Variants in NCKAP5 observed in about 807,000 individuals in gnomAD.
NCKAP5 encodes NCK associated protein 5.
NCKAP5 carries 92 observed loss-of-function variants against 167.0 expected under a neutral mutation model. The observed-to-expected ratio is 0.55, with a 90% CI of 0.47 to 0.66. The LOEUF (loss-of-function observed/expected upper bound fraction) is 0.66, where lower values mean the gene tolerates loss of function less well. Among genes scored for constraint, NCKAP5 ranks in the 30% least tolerant of loss-of-function variants. The probability of loss-of-function intolerance (pLI) is 0.00; values close to 1 mark genes in which losing one functional copy is unlikely to be tolerated. For synonymous variants in NCKAP5, 891 were observed against 877.4 expected, an observed-to-expected ratio of 1.02 and a Z score of -0.27; for missense variants, 2,378 against 2,315.0, an observed-to-expected ratio of 1.03 and a Z score of -0.56.
chr2:133,447,698 C>T (rs1412470563), intron 3 of NCKAP5, among the ~76,000 whole-genome samples: 1 of 151,696 alleles, frequency 6.6e-6, no homozygotes, highest in East Asian at 1.9e-4. Flanking sequence ...TTATGTTGCC[C>T]AGGTCTCAAA....
rs570546071 is a variant in NCKAP5 at position 133,507,156 on chromosome 2, G to A, written c.69+10302C>T. On this transcript the variant is annotated intron_variant, in intron 3 of 19. Coordinates refer to ENST00000409261, the MANE Select transcript of NCKAP5 (RefSeq NM_207363.3). The stretch of plus-strand genomic sequence containing the variant: ...TGCCTTCACAGATTTCACTCTCAGC[G>A]TTCACCAACCCAAGCTGGATCACTG... Among the ~76,000 whole-genome samples the A allele has an allele frequency of 6.6e-5, 10 of 152,212 alleles. No individual in the cohort carries two copies. In the South Asian group the frequency reaches 1.2e-3, roughly 19 times the overall value.
intron 3 of NCKAP5, among the ~76,000 whole-genome samples, chr2:133,431,206 A>G (rs2151126423): frequency 6.6e-6 from 1 of 152,268 alleles, no homozygotes; most frequent in Non-Finnish European, 1.5e-5. Context: ...AAAATACTTC[A>G]GAATATTGAA....
At chr2:132,738,680 G>A (rs1422858296) in intron 16 of NCKAP5, among the ~76,000 whole-genome samples, 2 of 152,118 alleles carry the variant, frequency 1.3e-5, no homozygotes, top group Non-Finnish European at 2.9e-5. Flanking sequence ...AACTTATAAA[G>A]AAAAGAGATA....
intron 5 of NCKAP5, among the ~76,000 whole-genome samples, chr2:133,169,358 C>T (rs10928441): frequency 0.14 from 21,320 of 152,186 alleles, 1,663 homozygotes; most frequent in East Asian, 0.38. Context: ...CTTTCCCAAT[C>T]AGGTCCAATT....
At chr2:133,406,312 G>A (rs1688424184) in intron 3 of NCKAP5, among the ~76,000 whole-genome samples, 1 of 152,022 alleles carries the variant, frequency 6.6e-6, no homozygotes, top group South Asian at 2.1e-4. Flanking sequence ...TTTGGGGAGT[G>A]CTTTTGGAGA....
chr2:133,509,064 G>A (rs974709212), intron 3 of NCKAP5, among the ~76,000 whole-genome samples: 3 of 152,140 alleles, frequency 2.0e-5, no homozygotes, highest in African/African-American at 7.2e-5. Flanking sequence ...GGTGTCACCC[G>A]AGCTCCTGCT....
chr2:133,269,227 G>A (rs1021613016), intron 4 of NCKAP5, among the ~76,000 whole-genome samples: 3 of 152,096 alleles, frequency 2.0e-5, no homozygotes, highest in Admixed American at 2.0e-4. Flanking sequence ...AATATATGAA[G>A]GAAAAATCAA....
intron 19 of NCKAP5, among the ~76,000 whole-genome samples, chr2:132,703,114 G>C (rs1344122463): frequency 6.6e-6 from 1 of 152,068 alleles, no homozygotes; most frequent in Non-Finnish European, 1.5e-5. Context: ...CCAGGAATTT[G>C]AGATTACAGT....
chr2:132,712,494 A>G (rs1471745542), intron 19 of NCKAP5, among the ~76,000 whole-genome samples: 1 of 152,118 alleles, frequency 6.6e-6, no homozygotes, highest in Non-Finnish European at 1.5e-5. Context: ...TACTAAAAAT[A>G]CAAAAAAATT....
At chr2:133,029,674 C>T (rs2078817019) in intron 6 of NCKAP5, among the ~76,000 whole-genome samples, 1 of 152,118 alleles carries the variant, frequency 6.6e-6, no homozygotes, top group Non-Finnish European at 1.5e-5. Context: ...AGGGATTTCC[C>T]AGTCCCCTGA....
chr2:133,068,770 C>T (rs981963462), intron 6 of NCKAP5, among the ~76,000 whole-genome samples: 1 of 152,170 alleles, frequency 6.6e-6, no homozygotes, highest in South Asian at 2.1e-4. Flanking sequence ...TTGTCTATTA[C>T]CCCAAGATGT....
At chr2:133,227,836 A>G (rs1451232730) in intron 4 of NCKAP5, among the ~76,000 whole-genome samples, 1 of 152,208 alleles carries the variant, frequency 6.6e-6, no homozygotes, top group East Asian at 1.9e-4. Context: ...AAGTAACAGA[A>G]ACAAACTTCA....
chr2:133,605,105 A>G, the NCKAP5 span, among the ~76,000 whole-genome samples: 1 of 152,194 alleles, frequency 6.6e-6, no homozygotes, highest in Non-Finnish European at 1.5e-5. Flanking sequence ...TGTTTGCAAG[A>G]TTAATCCCTA....
chr2:133,179,982 A>G (rs2084659350), intron 5 of NCKAP5, among the ~76,000 whole-genome samples: 1 of 152,184 alleles, frequency 6.6e-6, no homozygotes, highest in Non-Finnish European at 1.5e-5. Flanking sequence ...GATTTAAGAA[A>G]CAGAGTAAAC....
At chr2:133,264,369 T>C (rs1246151014) in intron 4 of NCKAP5, among the ~76,000 whole-genome samples, 7 of 152,242 alleles carry the variant, frequency 4.6e-5, no homozygotes, top group African/African-American at 1.7e-4. Flanking sequence ...AAGCCTTTTG[T>C]AAACTGTAAA....
chr2:133,137,445 TGTGTG>T (rs2082834765), intron 5 of NCKAP5, among the ~76,000 whole-genome samples: 1 of 145,386 alleles, frequency 6.9e-6, no homozygotes. Flanking sequence ...TGTGTGTGTG[TGTGTG>T]TTTTGGAAAA....
At chr2:133,274,416 G>A (rs969597270) in intron 4 of NCKAP5, among the ~76,000 whole-genome samples, 1 of 151,930 alleles carries the variant, frequency 6.6e-6, no homozygotes, top group East Asian at 1.9e-4. Context: ...TAAAAGTGAT[G>A]GATTGGAAGA....
At chr2:133,200,274 A>T (rs1212104456) in intron 5 of NCKAP5, among the ~76,000 whole-genome samples, 1 of 152,018 alleles carries the variant, frequency 6.6e-6, no homozygotes, top group Non-Finnish European at 1.5e-5. Context: ...ACACAGATAG[A>T]CTAATAGATC....
chr2:133,228,763 A>C (rs772162427), intron 4 of NCKAP5, among the ~76,000 whole-genome samples: 6 of 152,200 alleles, frequency 3.9e-5, no homozygotes, highest in Non-Finnish European at 7.3e-5. Context: ...GTTCAAAATA[A>C]CAAGATTTCA....
Sources: gnomAD v4.1 joint callset for allele counts (sites outside exome capture counted in the v4.1 genomes callset) on GRCh38, gnomAD v4.1.1 for gene constraint, MANE v1.5 for transcripts, NCBI Gene and HGNC (gene_info 2026-07-23, HGNC 2026-07-21) for gene names.